Variants in PPARG observed in about 807,000 individuals in gnomAD.
PPARG encodes the protein peroxisome proliferator activated receptor gamma, also known as peroxisome proliferator-activated receptor gamma.
PPARG carries 17 observed loss-of-function variants against 39.2 expected under a neutral mutation model. That is an observed-to-expected ratio of 0.43 (90% CI 0.30 to 0.65). PPARG has a LOEUF of 0.65. PPARG is among the 30% of genes least tolerant of loss of function. The pLI is 0.13. For synonymous variants in PPARG, 223 were observed against 215.7 expected (o/e 1.03, Z -0.30); for missense variants, 406 against 585.9 (o/e 0.69, Z 3.17).
chr3:12,343,861 A>ATTTTT (rs3031383), intron 2 of PPARG, among the ~76,000 whole-genome samples: 1 of 131,064 alleles, frequency 7.6e-6, no homozygotes, highest in African/African-American at 3.1e-5. Flanking sequence ...ATCTCACCGA[A>ATTTTT]TTTTTTTTTT....
intron 6 of PPARG, among the ~76,000 whole-genome samples, chr3:12,408,348 A>G (rs977758642): frequency 3.7e-4 from 57 of 152,222 alleles, no homozygotes; most frequent in African/African-American, 1.4e-3. Flanking sequence ...TTTTACATGC[A>G]CAGGACTGCA....
At chr3:12,307,138 C>CTTTTTT (rs71268430) in intron 1 of PPARG, among the ~76,000 whole-genome samples, 15 of 128,796 alleles carry the variant, frequency 1.2e-4, no homozygotes, top group Admixed American at 5.1e-4. Flanking sequence ...TTAGGAAATT[C>CTTTTTT]TTTTTTTTTT....
At chr3:12,312,327 A>G (rs2047269186) in intron 1 of PPARG, 53 bp from the exon 2 acceptor site, 2 of 152,204 alleles carry the variant, frequency 1.3e-5, no homozygotes, top group African/African-American at 4.8e-5. Flanking sequence ...ACATGTGTAC[A>G]CATTCTGAAC....
chr3:12,378,741 G>C (rs1448247428), intron 2 of PPARG, among the ~76,000 whole-genome samples: 1 of 152,090 alleles, frequency 6.6e-6, no homozygotes, highest in Non-Finnish European at 1.5e-5. Context: ...CTTCTAAGGT[G>C]ATCATCTGCT....
chr3:12,363,318 A>G (rs1322473005), intron 2 of PPARG, among the ~76,000 whole-genome samples: 4 of 152,230 alleles, frequency 2.6e-5, no homozygotes, highest in Admixed American at 2.0e-4. Flanking sequence ...TGAAGATACT[A>G]TATGGTATAA....
chr3:12,423,382 A>T (rs1414069064), intron 7 of PPARG, among the ~76,000 whole-genome samples: 2 of 152,204 alleles, frequency 1.3e-5, no homozygotes, highest in Non-Finnish European at 1.5e-5. Context: ...ATCAGCACTG[A>T]GTTTGAGGAG....
At chr3:12,385,543 A>G (rs796573224) in intron 4 of PPARG, among the ~76,000 whole-genome samples, 46 of 152,220 alleles carry the variant, frequency 3.0e-4, no homozygotes, top group African/African-American at 9.6e-4. Flanking sequence ...TACATGTTGG[A>G]GATATATTTT....
intron 6 of PPARG, among the ~76,000 whole-genome samples, chr3:12,407,194 C>T (rs4135279): frequency 0.013 from 2,019 of 152,084 alleles, 55 homozygotes; most frequent in African/African-American, 0.046. Context: ...CAGAGTCTTG[C>T]TCTGTTGCCA....
At chr3:12,403,197 G>C (rs1433494070) in intron 5 of PPARG, among the ~76,000 whole-genome samples, 1 of 151,364 alleles carries the variant, frequency 6.6e-6, no homozygotes. Flanking sequence ...GGAGGCTGAG[G>C]TGGGAGAATC....
intron 1 of PPARG, among the ~76,000 whole-genome samples, chr3:12,308,156 C>G (rs1318866862): frequency 6.6e-6 from 1 of 151,618 alleles, no homozygotes; most frequent in African/African-American, 2.4e-5. Context: ...TCAGCATGGA[C>G]AACATAAGGA....
chr3:12,398,286 A>G (rs2050340064), intron 5 of PPARG, among the ~76,000 whole-genome samples: 1 of 152,232 alleles, frequency 6.6e-6, no homozygotes, highest in Non-Finnish European at 1.5e-5. Context: ...AAGAAAGGAA[A>G]TTGAGAGAAA....
intron 7 of PPARG, among the ~76,000 whole-genome samples, chr3:12,420,366 C>T (rs534724638): frequency 6.1e-4 from 93 of 152,238 alleles, no homozygotes; most frequent in Non-Finnish European, 1.2e-3. Flanking sequence ...TTCCATTCAG[C>T]TAAGCAGGAG....
chr3:12,326,327 C>A (rs1177755228), intron 2 of PPARG, among the ~76,000 whole-genome samples: 4 of 152,154 alleles, frequency 2.6e-5, no homozygotes, highest in South Asian at 2.1e-4. Flanking sequence ...TCCAGTGATA[C>A]ACAATATGCG....
At chr3:12,289,331 T>C (rs533092274) in intron 1 of PPARG, among the ~76,000 whole-genome samples, 197 bp downstream of exon 1, 1 of 152,208 alleles carries the variant, frequency 6.6e-6, no homozygotes, top group East Asian at 1.9e-4. Context: ...AAGTCAAAAA[T>C]AGTCGTCTGC....
chr3:12,331,653 T>C (rs913589459), intron 2 of PPARG, among the ~76,000 whole-genome samples: 1 of 151,958 alleles, frequency 6.6e-6, no homozygotes, highest in Non-Finnish European at 1.5e-5. Flanking sequence ...AAGAAGAGAG[T>C]GTCTTTGGAT....
chr3:12,381,581 A>T, intron 4 of PPARG, 90 bp downstream of exon 4: 1 of 1,374,592 alleles, frequency 7.3e-7, no homozygotes, highest in Non-Finnish European at 1.0e-6. Context: ...CAATATATGA[A>T]TTTTTTTTCT....
intron 7 of PPARG, among the ~76,000 whole-genome samples, chr3:12,423,989 C>A (rs1175541): frequency 0.28 from 42,249 of 152,140 alleles, 6,631 homozygotes; most frequent in East Asian, 0.42. Flanking sequence ...TTGTTTCTGC[C>A]TAGCTTCTGA....
intron 5 of PPARG, among the ~76,000 whole-genome samples, chr3:12,397,378 TTTA>T (rs200520715): frequency 0.37 from 48,491 of 131,554 alleles, 8,788 homozygotes; most frequent in Middle Eastern, 0.46. Context: ...CCTATTCCTT[TTTA>T]TTATTATTAT....
At chr3:12,316,993 G>A (rs13433696) in intron 2 of PPARG, among the ~76,000 whole-genome samples, 41,520 of 152,160 alleles carry the variant, frequency 0.27, 5,760 homozygotes, top group East Asian at 0.33. Flanking sequence ...TTTGGTCTCA[G>A]TGATTTTATG....
Sources: gnomAD v4.1 joint callset for allele counts (sites outside exome capture counted in the v4.1 genomes callset) on GRCh38, gnomAD v4.1.1 for gene constraint, MANE v1.5 for transcripts, NCBI Gene and HGNC (gene_info 2026-07-23, HGNC 2026-07-21) for gene names.